TMC1: variants seen among roughly 807,000 people sequenced by gnomAD.
TMC1 encodes transmembrane channel-like protein 1.
In TMC1, 84 loss-of-function variants were observed where a neutral mutation model predicts 105.8. That is an observed-to-expected ratio of 0.79 (90% CI 0.67 to 0.95). The LOEUF is 0.95. TMC1 is among the 40% of genes least tolerant of loss of function. The pLI is 0.00. For missense variants in TMC1, 817 were observed against 914.1 expected, an observed-to-expected ratio of 0.89 and a Z score of 1.37; for synonymous variants, 315 against 311.5, an observed-to-expected ratio of 1.01 and a Z score of -0.12.
intron 7 of TMC1, among the ~76,000 whole-genome samples, chr9:72,699,491 C>A (rs1467365825): frequency 6.6e-6 from 1 of 152,138 alleles, no homozygotes; most frequent in South Asian, 2.1e-4. Flanking sequence ...AGGGCAAAGA[C>A]ATCTTCACCC....
At chr9:72,578,666 GA>G (rs1224748409) in intron 2 of TMC1, among the ~76,000 whole-genome samples, 1 of 152,166 alleles carries the variant, frequency 6.6e-6, no homozygotes, top group Non-Finnish European at 1.5e-5. Flanking sequence ...AGCATTTACT[GA>G]AATAAGGATT....
chr9:72,726,698 CA>C (rs1291802218), intron 8 of TMC1, among the ~76,000 whole-genome samples: 1 of 152,140 alleles, frequency 6.6e-6, no homozygotes, highest in Non-Finnish European at 1.5e-5. Flanking sequence ...ACTGATAGAT[CA>C]AAAGATAGAA....
chr9:72,749,770 A>C (rs936580175), intron 10 of TMC1, among the ~76,000 whole-genome samples: 3 of 152,224 alleles, frequency 2.0e-5, no homozygotes, highest in Non-Finnish European at 4.4e-5. Flanking sequence ...TTCTAAAAAA[A>C]AACCTGCCAC....
intron 1 of TMC1, among the ~76,000 whole-genome samples, chr9:72,556,438 A>G (rs1823942024): frequency 6.6e-6 from 1 of 151,880 alleles, no homozygotes; most frequent in South Asian, 2.1e-4. Context: ...TTAAAGCTTC[A>G]ACTTTTACTC....
intron 8 of TMC1, among the ~76,000 whole-genome samples, chr9:72,730,477 GC>G (rs948846921): frequency 2.0e-5 from 3 of 152,080 alleles, no homozygotes; most frequent in African/African-American, 7.2e-5. Flanking sequence ...TCCATATTCT[GC>G]CCCCAACTTG....
intron 2 of TMC1, among the ~76,000 whole-genome samples, chr9:72,600,610 T>C (rs1269089984): frequency 6.6e-6 from 1 of 152,034 alleles, no homozygotes; most frequent in Non-Finnish European, 1.5e-5. Context: ...ACAAAAATCC[T>C]AATGTTCTCA....
Position 72,608,341 on chromosome 9 carries a change from C to A in TMC1, c.-305-8027C>A, listed in dbSNP as rs142605484. On this transcript the variant is annotated intron_variant, in intron 2 of 23. Coordinates refer to ENST00000297784, the MANE Select transcript of TMC1 (RefSeq NM_138691.3). ...CACACTGATAACGCTGATACCACAC[C>A]TAGAAAAAGAAATGAATTTCATTCA... Among the ~76,000 whole-genome samples, 686 of 152,286 alleles carry A rather than the reference C, an allele frequency of 4.5e-3. 7 individuals carry two copies. Among genetic ancestry groups the A allele is most frequent in the African/African-American group, 0.016 (658 of 41,564 alleles).
chr9:72,830,815 T>G, intron 23 of TMC1, 133 bp downstream of exon 23: 1 of 790,670 alleles, frequency 1.3e-6, no homozygotes. Context: ...TCCACAATCC[T>G]TACCTTCCAC....
At chr9:72,614,328 A>C (rs1190966541) in intron 2 of TMC1, among the ~76,000 whole-genome samples, 1 of 152,166 alleles carries the variant, frequency 6.6e-6, no homozygotes, top group Non-Finnish European at 1.5e-5. Context: ...TTGCAACCAA[A>C]GCTATTAAGT....
intron 2 of TMC1, among the ~76,000 whole-genome samples, chr9:72,610,744 A>G (rs1825012035): frequency 6.6e-6 from 1 of 152,254 alleles, no homozygotes; most frequent in African/African-American, 2.4e-5. Context: ...GGATGCATAA[A>G]ATTAAACACC....
intron 2 of TMC1, among the ~76,000 whole-genome samples, chr9:72,590,570 A>C (rs1230028199): frequency 6.6e-6 from 1 of 152,188 alleles, no homozygotes; most frequent in African/African-American, 2.4e-5. Context: ...TAAAATGGGA[A>C]CACTAATTAA....
At chr9:72,681,437 G>A (rs549629556) in intron 5 of TMC1, among the ~76,000 whole-genome samples, 1 of 152,104 alleles carries the variant, frequency 6.6e-6, no homozygotes, top group African/African-American at 2.4e-5. Flanking sequence ...TAGAGTAAGA[G>A]CTGTTTTTGT....
rs533900431 is a variant in TMC1, at chr9:72,837,295, G to C, written c.*1322G>C. On this transcript the variant is annotated 3_prime_UTR_variant, in exon 24 of 24. Transcript: ENST00000297784. ...AACTCCTAAGATCTCCGGCTCAGGTGTTTTCTATCTATTGGGAGACTGTCT... is the reference window on the plus strand; with the variant it reads ...AACTCCTAAGATCTCCGGCTCAGGTCTTTTCTATCTATTGGGAGACTGTCT... The C allele has an allele frequency of 6.6e-6, 1 of 152,332 alleles. No homozygotes were observed. Among genetic ancestry groups the C allele is most frequent in the Admixed American group, 6.5e-5 (1 of 15,304 alleles). 9.4% of individuals were successfully genotyped at this position (152,332 alleles called of 1,614,324 possible).
At chr9:72,644,677 T>C (rs1308440914) in intron 4 of TMC1, among the ~76,000 whole-genome samples, 4 of 152,200 alleles carry the variant, frequency 2.6e-5, no homozygotes, top group Non-Finnish European at 5.9e-5. Flanking sequence ...TAAAGTTAGG[T>C]AGTAAAAGTC....
chr9:72,701,077 A>AT (rs986830315), intron 8 of TMC1, among the ~76,000 whole-genome samples: 2 of 152,054 alleles, frequency 1.3e-5, no homozygotes, highest in African/African-American at 4.8e-5. Context: ...TTTGAAAGAG[A>AT]TAATATATTT....
rs74553741 is a variant in TMC1, at chr9:72,672,470, T to A, written c.17-16239T>A. Among the ~76,000 whole-genome samples, 471 of 152,206 alleles carry A rather than the reference T, an allele frequency of 3.1e-3. 4 individuals are homozygous for A. Among genetic ancestry groups the A allele is most frequent in the African/African-American group, 0.011 (454 of 41,548 alleles). On this transcript the variant is annotated intron_variant, in intron 5 of 23. Transcript: ENST00000297784. ...TGGCCTAAATACCCCAATTAAAAGT[T>A]AAAAATGGTCTAATTGAATAAAATA... is the stretch of plus-strand genomic sequence containing the variant.
At chr9:72,555,326 G>A (rs1410428383) in intron 1 of TMC1, among the ~76,000 whole-genome samples, 1 of 151,542 alleles carries the variant, frequency 6.6e-6, no homozygotes, top group Non-Finnish European at 1.5e-5. Flanking sequence ...CTCCCAAGTA[G>A]ATGGGACTAC....
chr9:72,754,496 C>G (rs1027312653), intron 11 of TMC1, among the ~76,000 whole-genome samples: 1 of 152,100 alleles, frequency 6.6e-6, no homozygotes, highest in Non-Finnish European at 1.5e-5. Context: ...CAAGTCAGAA[C>G]AGTTTGGTGG....
intron 2 of TMC1, among the ~76,000 whole-genome samples, chr9:72,610,723 C>T (rs1226016067): frequency 6.6e-6 from 1 of 152,192 alleles, no homozygotes; most frequent in Non-Finnish European, 1.5e-5. Flanking sequence ...CACCCTGTTA[C>T]CCAGTCAAGT....
Sources: allele counts gnomAD v4.1 joint callset (sites outside exome capture counted in the v4.1 genomes callset), GRCh38; gene constraint gnomAD v4.1.1; transcripts MANE v1.5; gene names NCBI Gene and HGNC (gene_info 2026-07-23, HGNC 2026-07-21).